The following MAOA variants were observed in gnomAD, a reference collection of about 807,000 sequenced individuals.
MAOA encodes the protein monoamine oxidase A.
A neutral mutation model predicts 42.0 loss-of-function variants in MAOA; 6 were observed. The observed-to-expected ratio is 0.14, with a 90% CI of 0.08 to 0.28. MAOA has a LOEUF of 0.28. MAOA is among the 10% of genes least tolerant of loss of function. The probability of loss-of-function intolerance (pLI) is 1.00; values close to 1 mark genes in which losing one functional copy is unlikely to be tolerated. For missense variants in MAOA, 262 were observed against 422.3 expected (o/e 0.62, Z 3.33); for synonymous variants, 140 against 154.0 (o/e 0.91, Z 0.67).
intron 5 of MAOA, among the ~76,000 whole-genome samples, chrX:43,717,535 T>A (rs769578627): frequency 2.8e-5 from 3 of 106,464 alleles, no homozygotes; most frequent in African/African-American, 1.0e-4. Context: ...ACCCACAGGG[T>A]CATGGGGGAA....
At chrX:43,689,452 C>G (rs773075827) in intron 2 of MAOA, among the ~76,000 whole-genome samples, 1 of 110,673 alleles carries the variant, frequency 9.0e-6, no homozygotes, top group Non-Finnish European at 1.9e-5. Flanking sequence ...TCTACTTGTT[C>G]AGAAGTTATA....
chrX:43,717,851 G>T (rs1404916006), intron 5 of MAOA, among the ~76,000 whole-genome samples: 1 of 109,740 alleles, frequency 9.1e-6, no homozygotes, highest in Non-Finnish European at 1.9e-5. Context: ...ATTTGGGGAG[G>T]GGGGGAATGA....
At chrX:43,708,867 G>A (rs778473178) in intron 3 of MAOA, among the ~76,000 whole-genome samples, 2 of 106,092 alleles carry the variant, frequency 1.9e-5, no homozygotes, top group African/African-American at 6.9e-5. Flanking sequence ...TTTTTTGTTT[G>A]TTTGTGTGTT....
chrX:43,658,699 A>G (rs1444216453), intron 1 of MAOA, among the ~76,000 whole-genome samples: 1 of 111,804 alleles, frequency 8.9e-6, no homozygotes, highest in East Asian at 2.8e-4. Context: ...CTCTAATGCC[A>G]TCTCCATCAG....
intron 1 of MAOA, among the ~76,000 whole-genome samples, chrX:43,678,882 A>G (rs1400754070): frequency 8.9e-6 from 1 of 112,140 alleles, no homozygotes; most frequent in African/African-American, 3.2e-5. Flanking sequence ...CATGTTGTAT[A>G]TATTTTAACC....
chrX:43,713,314 C>A (rs1182724703), intron 5 of MAOA, among the ~76,000 whole-genome samples: 1 of 111,014 alleles, frequency 9.0e-6, no homozygotes, highest in Admixed American at 9.6e-5. Context: ...AGGGGAACAA[C>A]ACACACTGGA....
chrX:43,697,002 T>C (rs1304928022), intron 3 of MAOA, among the ~76,000 whole-genome samples: 1 of 111,751 alleles, frequency 8.9e-6, no homozygotes, highest in Non-Finnish European at 1.9e-5. Context: ...GTAATAATAA[T>C]GACTACCTCC....
At chrX:43,674,022 A>G (rs1445989107) in intron 1 of MAOA, among the ~76,000 whole-genome samples, 1 of 112,720 alleles carries the variant, frequency 8.9e-6, no homozygotes, top group South Asian at 3.6e-4. Context: ...TGTCTTGTTG[A>G]TCTGTCTAAT....
intron 1 of MAOA, among the ~76,000 whole-genome samples, chrX:43,661,402 A>G (rs185033167): frequency 5.4e-5 from 6 of 111,916 alleles, no homozygotes; most frequent in Non-Finnish European, 1.1e-4. Context: ...AATGTTTTGA[A>G]TATGAACAAA....
rs1020832804 is a variant in MAOA, at chrX:43,746,011, G to T, written c.*1498G>T. ...GCATTTTTCTACTGCTCTTTACCTT[G>T]CATTTTAGCTAATTTAGGAGTTTTG... On this transcript the variant is annotated 3_prime_UTR_variant, in exon 15 of 15. Transcript: ENST00000338702. 2.7e-5 allele frequency: 3 copies of T among 111,513 alleles called. No individual in the cohort carries two copies. Among genetic ancestry groups the T allele is most frequent in the Non-Finnish European group, 1.9e-5 (1 of 53,126 alleles). The allele number at this position is 111,513 out of a possible 1,213,427, so 9.2% of individuals were successfully genotyped here.
At chrX:43,720,592 G>A (rs746815729) in intron 5 of MAOA, among the ~76,000 whole-genome samples, 9 of 110,620 alleles carry the variant, frequency 8.1e-5, no homozygotes, top group Non-Finnish European at 1.5e-4. Context: ...TTGGTACATG[G>A]TATATTCAAG....
intron 12 of MAOA, among the ~76,000 whole-genome samples, chrX:43,743,382 G>A (rs753745528): frequency 9.0e-6 from 1 of 111,309 alleles, no homozygotes; most frequent in Admixed American, 9.5e-5. Flanking sequence ...CTGACACACT[G>A]GGAGTGCCTG....
intron 12 of MAOA, 156 bp from the exon 13 acceptor site, chrX:43,743,637 CA>C: frequency 1.7e-6 from 1 of 598,925 alleles, no homozygotes; most frequent in Non-Finnish European, 2.7e-6. Context: ...ATCCAGAAAG[CA>C]AAAAGTGGCC....
rs766232438 is a variant in MAOA, at chrX:43,731,662, T to A, written c.796-32T>A. The A allele has an allele frequency of 1.3e-5, 16 of 1,192,356 alleles. No individual in the cohort carries two copies. In the Admixed American group the frequency reaches 3.5e-4, roughly 26 times the overall value. Reference sequence around the variant, plus strand: ...CTGCCACAAAGACTGCAGCTCACATTTGAGGTAATATTTTGCTTGTGTGTG... The same window carrying A: ...CTGCCACAAAGACTGCAGCTCACATATGAGGTAATATTTTGCTTGTGTGTG... On this transcript the variant is annotated intron_variant, in intron 7 of 14. Transcript: ENST00000338702.
At chrX:43,743,960 A>G (rs1012393474) in intron 13 of MAOA, 55 bp downstream of exon 13, 17 of 1,169,392 alleles carry the variant, frequency 1.5e-5, no homozygotes, top group Non-Finnish European at 1.8e-5. Flanking sequence ...CGTTTTTGGC[A>G]TCTGGTCTTG....
chrX:43,677,501 CTT>C (rs1225845551), intron 1 of MAOA, among the ~76,000 whole-genome samples: 1 of 105,053 alleles, frequency 9.5e-6, no homozygotes, highest in African/African-American at 3.4e-5. Context: ...AGCAGACTAG[CTT>C]TTTTTTTTTA....
At chrX:43,666,513 G>A (rs755774569) in intron 1 of MAOA, among the ~76,000 whole-genome samples, 2 of 111,331 alleles carry the variant, frequency 1.8e-5, no homozygotes, top group African/African-American at 3.3e-5. Flanking sequence ...CACCCAAGCC[G>A]TTGTGGTCTT....
At chrX:43,669,662 G>C (rs1057078586) in intron 1 of MAOA, among the ~76,000 whole-genome samples, 2 of 111,083 alleles carry the variant, frequency 1.8e-5, no homozygotes, top group Admixed American at 1.9e-4. Flanking sequence ...TTTCTACCTT[G>C]TTTCTGATTT....
chrX:43,666,925 T>C (rs1601924860), intron 1 of MAOA, among the ~76,000 whole-genome samples: 2 of 104,032 alleles, frequency 1.9e-5, no homozygotes, highest in East Asian at 3.2e-4. Flanking sequence ...TTCTCACTCA[T>C]AGGTGGGAAT....
Sources: allele counts gnomAD v4.1 joint callset (sites outside exome capture counted in the v4.1 genomes callset), GRCh38; gene constraint gnomAD v4.1.1; transcripts MANE v1.5; gene names NCBI Gene and HGNC (gene_info 2026-07-23, HGNC 2026-07-21).